The following MMP27 variants were observed in gnomAD, a reference collection of about 807,000 sequenced individuals.
MMP27 encodes matrix metallopeptidase 27.
Under a neutral mutation model 48.1 loss-of-function variants are expected in MMP27, and 51 were observed. The observed-to-expected ratio is 1.06, with a 90% CI of 0.85 to 1.34. The LOEUF is 1.34. MMP27 is among the 40% of genes most tolerant of loss of function. The probability of loss-of-function intolerance (pLI) is 0.00; values close to 1 mark genes in which losing one functional copy is unlikely to be tolerated. For missense variants in MMP27, 698 were observed against 619.3 expected, an observed-to-expected ratio of 1.13 and a Z score of -1.35; for synonymous variants, 229 against 208.9, an observed-to-expected ratio of 1.10 and a Z score of -0.83.
intron 1 of MMP27, 23 bp from the exon 2 acceptor site, chr11:102,704,798 A>T: frequency 6.7e-7 from 1 of 1,498,094 alleles, no homozygotes; most frequent in Non-Finnish European, 9.1e-7. Flanking sequence ...ATAAGAAAAA[A>T]AAAAAAGAGG....
intron 4 of MMP27, among the ~76,000 whole-genome samples, chr11:102,699,227 G>A (rs754914195): frequency 6.6e-6 from 1 of 152,086 alleles, no homozygotes; most frequent in Non-Finnish European, 1.5e-5. Flanking sequence ...AGCACTTTGG[G>A]AGACCAAGGT....
Position 102,705,746 on chromosome 11 carries a change from T to A in MMP27, c.-32A>T. On this transcript the variant is annotated 5_prime_UTR_variant, in exon 1 of 10. Transcript: ENST00000260229. ...CTTTCTTCAGCTGAAGCCGGTTCTG[T>A]TAGCACAGAATTTAGAAAATAATAG... 2.0e-6 allele frequency: 3 copies of A among 1,474,426 alleles called. No individual in the cohort carries two copies. Among genetic ancestry groups the A allele is most frequent in the Non-Finnish European group, 2.8e-6 (3 of 1,070,616 alleles). 91.3% of individuals were successfully genotyped at this position (1,474,426 alleles called of 1,614,324 possible).
chr11:102,705,727 T>A lies in MMP27; in HGVS notation c.-13A>T. 1 of 1,584,218 alleles carries A rather than the reference T, an allele frequency of 6.3e-7. No homozygotes were observed. Among genetic ancestry groups the A allele is most frequent in the Non-Finnish European group, 8.6e-7 (1 of 1,160,374 alleles). On this transcript the variant is annotated 5_prime_UTR_variant, in exon 1 of 10. Coordinates refer to ENST00000260229, the MANE Select transcript of MMP27 (RefSeq NM_022122.3). ...GAAGGCGCTTCATTCCTCTCTTTCT[T>A]CAGCTGAAGCCGGTTCTGTTAGCAC... is the stretch of plus-strand genomic sequence containing the variant.
At position 102,703,105 on chromosome 11, in the gene MMP27, T is replaced by C; in HGVS notation, c.355A>G (p.Thr119Ala). The change falls in exon 3 of 10, where the codon ACT (threonine) becomes GCT (alanine). Residue 119 changes from threonine to alanine, a missense_variant. Coordinates refer to ENST00000260229, the MANE Select transcript of MMP27 (RefSeq NM_022122.3). Reference protein sequence around the residue: ...YNLTYRIINYTPDMARAAVDE... With the variant: ...YNLTYRIINYAPDMARAAVDE... ...ACAGCAGCTCGTGCCATATCCGGAG[T>C]ATAGTTTATTATTCTTAAAAATTAA... 6.2e-7 allele frequency: 1 copy of C among 1,610,378 alleles called. No homozygotes were observed. Among genetic ancestry groups the C allele is most frequent in the Non-Finnish European group, 8.5e-7 (1 of 1,179,178 alleles).
In MMP27 at chr11:102,705,739, G is replaced by GCTTCATTCCTCTC; in HGVS notation, c.-26_-25insGAGAGGAATGAAG. 1.3e-6 allele frequency: 2 copies of GCTTCATTCCTCTC among 1,504,564 alleles called. No individual in the cohort carries two copies. Among genetic ancestry groups the GCTTCATTCCTCTC allele is most frequent in the Non-Finnish European group, 9.1e-7 (1 of 1,093,784 alleles). The allele number at this position is 1,504,564 out of a possible 1,614,324, so 93.2% of individuals were successfully genotyped here. ...TTCCTCTCTTTCTTCAGCTGAAGCCGGTTCTGTTAGCACAGAATTTAGAAA... is the reference window on the plus strand; with the variant it reads ...TTCCTCTCTTTCTTCAGCTGAAGCCGCTTCATTCCTCTCGTTCTGTTAGCACAGAATTTAGAAA... On this transcript the variant is annotated 5_prime_UTR_variant, in exon 1 of 10. In the 5' UTR this introduces an upstream ATG that the reference lacks. Coordinates refer to ENST00000260229, the MANE Select transcript of MMP27 (RefSeq NM_022122.3).
At chr11:102,705,511 C>T in intron 1 of MMP27, 102 bp downstream of exon 1, 1 of 710,414 alleles carries the variant, frequency 1.4e-6, no homozygotes, top group Non-Finnish European at 2.3e-6. Context: ...CAAAAAAGTT[C>T]AGGACTCTTT....
At chr11:102,693,797 A>C (rs1025115692) in intron 8 of MMP27, 109 bp downstream of exon 8, 11 of 1,017,060 alleles carry the variant, frequency 1.1e-5, no homozygotes, top group Non-Finnish European at 1.4e-5. Flanking sequence ...AAAAAATAAA[A>C]AAATAAAAAA....
chr11:102,694,347 C>T (rs1860782524), intron 7 of MMP27, among the ~76,000 whole-genome samples: 1 of 152,142 alleles, frequency 6.6e-6, no homozygotes, highest in Non-Finnish European at 1.5e-5. Context: ...ATCAAGTAAG[C>T]AATGCATATA....
chr11:102,701,292 A>T (rs903819892), intron 4 of MMP27, among the ~76,000 whole-genome samples: 1 of 114,520 alleles, frequency 8.7e-6, no homozygotes, highest in Middle Eastern at 4.3e-3. Flanking sequence ...ACCCAGATAC[A>T]TCGGACTTAA....
chr11:102,692,337 G>A (rs1230864490), intron 9 of MMP27, among the ~76,000 whole-genome samples: 1 of 152,072 alleles, frequency 6.6e-6, no homozygotes, highest in Non-Finnish European at 1.5e-5. Context: ...ATATGGCCTT[G>A]GTCTCTATAT....
At chr11:102,703,977 G>A (rs1834723527) in intron 2 of MMP27, among the ~76,000 whole-genome samples, 2 of 152,198 alleles carry the variant, frequency 1.3e-5, no homozygotes, top group Admixed American at 6.5e-5. Context: ...TAGAGTGATG[G>A]TCAAGGTGAC....
At chr11:102,700,157 C>A (rs1400125339) in intron 4 of MMP27, among the ~76,000 whole-genome samples, 2 of 152,134 alleles carry the variant, frequency 1.3e-5, no homozygotes, top group African/African-American at 2.4e-5. Flanking sequence ...TATGACAGAG[C>A]CTGAGTCATA....
chr11:102,691,654 T>C lies in MMP27; in HGVS notation c.*112A>G. Reference sequence around the variant, plus strand: ...AGGCAGCTCAAAATGGCCATTGAATTTGGATATTTAGAACTAGGACCAGCA... The same window carrying C: ...AGGCAGCTCAAAATGGCCATTGAATCTGGATATTTAGAACTAGGACCAGCA... On this transcript the variant is annotated 3_prime_UTR_variant, in exon 10 of 10. Transcript: ENST00000260229. The C allele has an allele frequency of 1.0e-6, 1 of 961,186 alleles. No individual in the cohort carries two copies. Among genetic ancestry groups the C allele is most frequent in the Non-Finnish European group, 1.5e-6 (1 of 673,832 alleles). The allele number at this position is 961,186 out of a possible 1,614,324, so 59.5% of individuals were successfully genotyped here.
At position 102,704,585 on chromosome 11, in the gene MMP27, T is replaced by G; in HGVS notation, c.293A>C (p.Gln98Pro). 10 of 1,614,216 alleles carry G rather than the reference T, an allele frequency of 6.2e-6. No individual in the cohort carries two copies. The highest frequency in any genetic ancestry group is 8.5e-6 in the Non-Finnish European group (10 of 1,180,032). Residue 98 changes from glutamine (Q) to proline (P), a missense_variant, in exon 2 of 10, where the codon CAG (glutamine) becomes CCG (proline). Transcript: ENST00000260229. ...CCACCCAGGGAGGGTGTAGCCATAC[T>G]GGCCCACATCAGGCACCCCACACCT... ...TPRCGVPDVG[Q>P]YGYTLPGWRK...
intron 5 of MMP27, 87 bp downstream of exon 5, chr11:102,696,584 GATA>G (rs1380456175): frequency 6.4e-7 from 1 of 1,570,730 alleles, no homozygotes; most frequent in African/African-American, 1.4e-5. Flanking sequence ...TTTGCTTCAT[GATA>G]ATATTTCAAG....
chr11:102,694,120 G>C, intron 7 of MMP27, 55 bp from the exon 8 acceptor site: 1 of 1,360,950 alleles, frequency 7.3e-7, no homozygotes, highest in Non-Finnish European at 9.8e-7. Flanking sequence ...GGTATCTCAA[G>C]AAATTTAAAA....
At chr11:102,695,247 G>T in intron 6 of MMP27, 150 bp from the exon 7 acceptor site, 1 of 905,172 alleles carries the variant, frequency 1.1e-6, no homozygotes, top group Non-Finnish European at 1.7e-6. Flanking sequence ...AAATTTAGGT[G>T]ATTGTGAGTT....
intron 4 of MMP27, among the ~76,000 whole-genome samples, chr11:102,701,460 G>T (rs777859794): frequency 1.3e-5 from 2 of 152,158 alleles, no homozygotes; most frequent in Non-Finnish European, 2.9e-5. Context: ...CTGAGCAAGG[G>T]GAGTCATTCT....
chr11:102,694,640 G>A (rs1860789965), intron 7 of MMP27, among the ~76,000 whole-genome samples: 1 of 152,070 alleles, frequency 6.6e-6, no homozygotes, highest in Non-Finnish European at 1.5e-5. Flanking sequence ...AATTTATAGT[G>A]TCCTATATTT....
Sources: gnomAD v4.1 joint callset for allele counts (sites outside exome capture counted in the v4.1 genomes callset) on GRCh38, gnomAD v4.1.1 for gene constraint, MANE v1.5 for transcripts, NCBI Gene and HGNC (gene_info 2026-07-23, HGNC 2026-07-21) for gene names.